Variants in TAF4B observed in about 807,000 individuals in gnomAD.
TAF4B encodes the protein transcription initiation factor TFIID subunit 4B.
In TAF4B, 38 loss-of-function variants were observed where a neutral mutation model predicts 86.4. The observed-to-expected ratio is 0.44, with a 90% CI of 0.34 to 0.58. The LOEUF (loss-of-function observed/expected upper bound fraction) is 0.58. TAF4B is among the 20% of genes least tolerant of loss of function. The pLI is 0.02. For missense variants in TAF4B, 988 were observed against 1,027.6 expected (o/e 0.96, Z 0.53); for synonymous variants, 388 against 391.2 (o/e 0.99, Z 0.10).
intron 13 of TAF4B, among the ~76,000 whole-genome samples, chr18:26,337,677 C>G (rs2057104033): frequency 6.6e-6 from 1 of 152,130 alleles, no homozygotes; most frequent in Admixed American, 6.5e-5. Context: ...CCCGCTTCAG[C>G]CTCCCAAAGT....
chr18:26,261,668 A>T (rs1305939545), intron 1 of TAF4B, among the ~76,000 whole-genome samples: 1 of 152,142 alleles, frequency 6.6e-6, no homozygotes, highest in African/African-American at 2.4e-5. Flanking sequence ...TGATCCAATT[A>T]AATTTGGGCT....
At chr18:26,255,039 G>A (rs1429346075) in intron 1 of TAF4B, among the ~76,000 whole-genome samples, 1 of 152,040 alleles carries the variant, frequency 6.6e-6, no homozygotes, top group African/African-American at 2.4e-5. Flanking sequence ...TATCATGAGG[G>A]AAAACAAGAG....
intron 3 of TAF4B, among the ~76,000 whole-genome samples, chr18:26,270,331 G>T (rs1254237421): frequency 2.0e-5 from 3 of 152,066 alleles, no homozygotes; most frequent in Non-Finnish European, 4.4e-5. Context: ...GCTTTAATTT[G>T]TCCCCTGCCA....
chr18:26,279,557 A>AC (rs1041796638), intron 5 of TAF4B, among the ~76,000 whole-genome samples: 2 of 151,898 alleles, frequency 1.3e-5, no homozygotes, highest in African/African-American at 2.4e-5. Flanking sequence ...AAAAAAAAAA[A>AC]AAAACAACAA....
chr18:26,288,559 C>T (rs567436782), intron 7 of TAF4B, among the ~76,000 whole-genome samples: 1 of 152,184 alleles, frequency 6.6e-6, no homozygotes, highest in Admixed American at 6.5e-5. Flanking sequence ...GGCTTGAACC[C>T]GGGAGGCAGA....
At chr18:26,268,495 A>G (rs1223690714) in intron 3 of TAF4B, among the ~76,000 whole-genome samples, 2 of 152,130 alleles carry the variant, frequency 1.3e-5, no homozygotes, top group Non-Finnish European at 2.9e-5. Context: ...TTAAATGATA[A>G]CGACCAGACC....
chr18:26,375,808 T>C (rs978037742), intron 14 of TAF4B, among the ~76,000 whole-genome samples: 3 of 152,310 alleles, frequency 2.0e-5, no homozygotes, highest in African/African-American at 7.2e-5. Flanking sequence ...CAATAATTTA[T>C]GTTTTCTTCT....
chr18:26,319,588 TA>T, intron 10 of TAF4B, among the ~76,000 whole-genome samples: 1 of 38,410 alleles, frequency 2.6e-5, no homozygotes, highest in Non-Finnish European at 7.3e-5. Flanking sequence ...GGTTTTAGTT[TA>T]ATTTTTATTT....
Position 26,227,034 on chromosome 18 carries a change from G to C in TAF4B, c.101G>C (p.Arg34Pro). The C allele has an allele frequency of 6.6e-7, 1 of 1,518,486 alleles. No individual in the cohort carries two copies. Among genetic ancestry groups the C allele is most frequent in the East Asian group, 2.7e-5 (1 of 37,708 alleles). The allele number at this position is 1,518,486 out of a possible 1,614,324, so 94.1% of individuals were successfully genotyped here. ...GCCCCGGCCGGGGCGCTGCCGGTGCGGGTGGAGAGCACTCCGGTGGCCCTG... is the reference window on the plus strand; with the variant it reads ...GCCCCGGCCGGGGCGCTGCCGGTGCCGGTGGAGAGCACTCCGGTGGCCCTG... ...TMAPAGALPV[R>P]VESTPVALGA... Residue 34 changes from arginine (R) to proline (P), a missense_variant, in exon 1 of 15, where the codon CGG becomes CCG. Physicochemically the swap from Arg to Pro is moderately radical, Grantham distance 103. Around this residue, in one of 3 missense-constraint regions of TAF4B, gnomAD observed 747 missense variants for 737.9 expected, o/e 1.01. Coordinates refer to ENST00000269142, the MANE Select transcript of TAF4B (RefSeq NM_005640.3).
chr18:26,349,300 G>C (rs2144722317), intron 13 of TAF4B, among the ~76,000 whole-genome samples: 1 of 151,994 alleles, frequency 6.6e-6, no homozygotes, highest in Admixed American at 6.6e-5. Flanking sequence ...GTCTATTGTT[G>C]CCGTCTCAAA....
At chr18:26,265,348 T>C (rs1450582607) in intron 2 of TAF4B, 33 bp downstream of exon 2, 1 of 1,568,456 alleles carries the variant, frequency 6.4e-7, no homozygotes, top group East Asian at 2.3e-5. Context: ...CATCTTTCTT[T>C]GTTTCTCAGC....
At chr18:26,318,825 A>G (rs886794212) in intron 10 of TAF4B, among the ~76,000 whole-genome samples, 2 of 152,232 alleles carry the variant, frequency 1.3e-5, no homozygotes, top group Admixed American at 6.5e-5. Context: ...CTTATTTCCA[A>G]TATTTAAAAG....
chr18:26,326,100 C>G (rs2057002333), intron 11 of TAF4B, among the ~76,000 whole-genome samples: 1 of 152,050 alleles, frequency 6.6e-6, no homozygotes, highest in Admixed American at 6.6e-5. Flanking sequence ...TCTTGAATAT[C>G]CGAATTACTG....
chr18:26,353,457 A>C (rs1039883428), intron 13 of TAF4B, among the ~76,000 whole-genome samples: 2 of 152,214 alleles, frequency 1.3e-5, no homozygotes, highest in Non-Finnish European at 2.9e-5. Flanking sequence ...TTGGCTGGGC[A>C]TGATGGCTCA....
rs146507001 is a variant in TAF4B at position 26,389,630 on chromosome 18, A to G, written c.2422-215A>G. Among the ~76,000 whole-genome samples the G allele has an allele frequency of 4.3e-3, 651 of 152,352 alleles. 4 individuals carry two copies. The highest frequency in any genetic ancestry group is 0.015 in the African/African-American group (618 of 41,596). Reference sequence around the variant, plus strand: ...AGTTCAGAGGCTATTGCCATGCTGCAGGTGAGCAGGAAAGAATGAATGAGG... The same window carrying G: ...AGTTCAGAGGCTATTGCCATGCTGCGGGTGAGCAGGAAAGAATGAATGAGG... On this transcript the variant is annotated intron_variant, in intron 14 of 14. Transcript: ENST00000269142.
rs767158968 is a variant in TAF4B, at chr18:26,293,506, A to G, written c.1807A>G (p.Lys603Glu). ...QASPTQKNRI[K>E]ENVTSCFRDE... ...ATCTCCTACTCAGAAAAATAGAATA[A>G]AAGAGAATGTAACATCATGCTTCCG... Residue 603 changes from lysine to glutamate, a missense_variant, in exon 9 of 15, where the codon AAA becomes GAA. Coordinates refer to ENST00000269142, the MANE Select transcript of TAF4B (RefSeq NM_005640.3). The G allele has an allele frequency of 3.2e-6, 5 of 1,579,786 alleles. No individual in the cohort carries two copies. The highest frequency in any genetic ancestry group is 4.3e-6 in the Non-Finnish European group (5 of 1,169,334).
intron 9 of TAF4B, among the ~76,000 whole-genome samples, chr18:26,306,178 T>C (rs2056792722): frequency 6.6e-6 from 1 of 152,218 alleles, no homozygotes; most frequent in African/African-American, 2.4e-5. Flanking sequence ...TTCTTTAATG[T>C]TTTTAATGTT....
rs2055586218 is a variant in TAF4B at position 26,227,013 on chromosome 18, C to T, written c.80C>T (p.Pro27Leu). The T allele has an allele frequency of 6.8e-7, 1 of 1,460,978 alleles. No individual in the cohort carries two copies. Among genetic ancestry groups the T allele is most frequent in the Non-Finnish European group, 8.9e-7 (1 of 1,120,878 alleles). 90.5% of individuals were successfully genotyped at this position (1,460,978 alleles called of 1,614,324 possible). The part of the protein sequence containing the change: ...VSASGTVTMA[P>L]AGALPVRVES... ...GCCTCGGGGACCGTGACCATGGCCC[C>T]GGCCGGGGCGCTGCCGGTGCGGGTG... Residue 27 changes from proline (P) to leucine (L), a missense_variant, in exon 1 of 15, where the codon CCG becomes CTG. By Grantham distance (98) the Pro-to-Leu change is moderately conservative (BLOSUM62 -3). This residue lies in a region of TAF4B where 747 missense variants were observed against 737.9 expected (regional missense o/e 1.01). Coordinates refer to ENST00000269142, the MANE Select transcript of TAF4B (RefSeq NM_005640.3).
intron 9 of TAF4B, among the ~76,000 whole-genome samples, chr18:26,314,886 C>T (rs898478761): frequency 2.0e-5 from 3 of 152,218 alleles, no homozygotes; most frequent in Admixed American, 6.5e-5. Flanking sequence ...ATTTGCCAGA[C>T]TGAGAGAGGG....
Sources: allele counts gnomAD v4.1 joint callset (sites outside exome capture counted in the v4.1 genomes callset), GRCh38; gene constraint gnomAD v4.1.1; regional missense constraint gnomAD v4.1.1; transcripts MANE v1.5; gene names NCBI Gene and HGNC (gene_info 2026-07-23, HGNC 2026-07-21).